Variants in TBC1D14 observed in about 807,000 individuals in gnomAD.
TBC1D14 encodes TBC1 domain family member 14, also known as TBC1 domain family, member 14.
A neutral mutation model predicts 79.0 loss-of-function variants in TBC1D14; 26 were observed. That is an observed-to-expected ratio of 0.33 (90% CI 0.24 to 0.46). The LOEUF is 0.46. Ranked by LOEUF, TBC1D14 falls within the 20% of genes least tolerant of loss-of-function variation. The probability of loss-of-function intolerance (pLI) is 1.00; values close to 1 mark genes in which losing one functional copy is unlikely to be tolerated. For missense variants in TBC1D14, 769 were observed against 887.6 expected, an observed-to-expected ratio of 0.87 and a Z score of 1.70; for synonymous variants, 394 against 349.9, an observed-to-expected ratio of 1.13 and a Z score of -1.40.
At chr4:7,025,296 C>T (rs751712730) in intron 13 of TBC1D14, 34 bp downstream of exon 13, 27 of 1,611,634 alleles carry the variant, frequency 1.7e-5, no homozygotes, top group East Asian at 1.6e-4. Flanking sequence ...CTTCCCACAG[C>T]GTAGCCGGCA....
At chr4:6,929,928 C>G (rs1711575034) in intron 2 of TBC1D14, among the ~76,000 whole-genome samples, 1 of 152,216 alleles carries the variant, frequency 6.6e-6, no homozygotes, top group African/African-American at 2.4e-5. Context: ...GCACAGACTG[C>G]AGAGCTGCGA....
chr4:6,936,870 C>T (rs985932294), intron 2 of TBC1D14, among the ~76,000 whole-genome samples: 5 of 150,722 alleles, frequency 3.3e-5, no homozygotes, highest in Non-Finnish European at 7.4e-5. Flanking sequence ...AGCAGGGTCT[C>T]GAGGATGGGT....
chr4:7,027,216 A>G (rs1722466441), intron 13 of TBC1D14, among the ~76,000 whole-genome samples: 1 of 151,938 alleles, frequency 6.6e-6, no homozygotes. Context: ...ATCTCAAAAA[A>G]ACCCCAAAAA....
intron 2 of TBC1D14, among the ~76,000 whole-genome samples, chr4:6,958,474 T>C (rs997205880): frequency 2.0e-5 from 3 of 152,194 alleles, no homozygotes; most frequent in African/African-American, 7.2e-5. Flanking sequence ...TCACCCAGGC[T>C]GGCTGGAGTG....
intron 2 of TBC1D14, among the ~76,000 whole-genome samples, chr4:6,940,394 G>A (rs1177206599): frequency 6.6e-6 from 1 of 152,244 alleles, no homozygotes; most frequent in Non-Finnish European, 1.5e-5. Context: ...ATAATGGAAT[G>A]TGTGTAGCCC....
chr4:7,006,519 G>A (rs1031245106), intron 8 of TBC1D14, 113 bp from the exon 9 acceptor site: 2 of 768,844 alleles, frequency 2.6e-6, no homozygotes, highest in African/African-American at 3.5e-5. Context: ...TTAGGTCAGT[G>A]TGCTTCTGAA....
rs148550060 is a variant in TBC1D14, at chr4:6,923,815, C to T, written c.426C>T (p.Ser142=). The change falls in exon 2 of 14, where the codon AGC becomes AGT. Residue 142 remains serine, a synonymous_variant. Coordinates refer to ENST00000409757, the MANE Select transcript of TBC1D14 (RefSeq NM_020773.3). The part of the protein sequence containing the change: ...RTGYDSVKLY[S]PTSKALTRSD... ...GCTATGACTCGGTAAAGCTCTATAG[C>T]CCGACCTCCAAAGCCCTGACCCGCA... 4.0e-5 allele frequency: 64 copies of T among 1,614,076 alleles called. No homozygotes were observed. The highest frequency in any genetic ancestry group is 1.3e-5 in the African/African-American group (1 of 74,938).
intron 11 of TBC1D14, 85 bp downstream of exon 11, chr4:7,010,866 A>C: frequency 6.8e-7 from 1 of 1,467,852 alleles, no homozygotes; most frequent in Non-Finnish European, 9.3e-7. Context: ...CGGTGGAAAA[A>C]AAGAATACAT....
chr4:6,968,724 C>G (rs1715941586), intron 3 of TBC1D14, among the ~76,000 whole-genome samples: 1 of 68,038 alleles, frequency 1.5e-5, no homozygotes, highest in Non-Finnish European at 3.9e-5. Context: ...GGAGGCTGGC[C>G]ATGGGGCCTG....
chr4:6,987,032 T>TC, intron 3 of TBC1D14: 1 of 294,756 alleles, frequency 3.4e-6, no homozygotes, highest in Non-Finnish European at 5.3e-6. Context: ...TCGGCGCGCG[T>TC]CCCCGGTGTT....
intron 2 of TBC1D14, among the ~76,000 whole-genome samples, chr4:6,963,775 T>A (rs1715458734): frequency 6.6e-6 from 1 of 152,208 alleles, no homozygotes; most frequent in Non-Finnish European, 1.5e-5. Flanking sequence ...GAGCCTAAGC[T>A]CTTATGTTAA....
intron 13 of TBC1D14, among the ~76,000 whole-genome samples, chr4:7,030,117 C>T (rs1361535850): frequency 1.3e-5 from 2 of 152,190 alleles, no homozygotes; most frequent in African/African-American, 4.8e-5. Context: ...AGGAGTGCAG[C>T]TAGCTCACCA....
Position 6,924,049 on chromosome 4 carries a change from T to G in TBC1D14, c.660T>G (p.Val220=). The G allele has an allele frequency of 3.1e-6, 5 of 1,614,068 alleles. No individual in the cohort carries two copies. The highest frequency in any genetic ancestry group is 4.2e-6 in the Non-Finnish European group (5 of 1,180,026). ...GTGGCTTACACCAGCAGGACTGTGT[T>G]CATGAAGCTGAGGAGGGGAGTAAAT... is the stretch of plus-strand genomic sequence containing the variant. ...ETRGLHQQDC[V]HEAEEGSKLK... Residue 220 remains valine (V), a synonymous_variant, in exon 2 of 14, where the codon GTT becomes GTG. Transcript: ENST00000409757.
Position 6,923,855 on chromosome 4 carries a change from G to C in TBC1D14, c.466G>C (p.Val156Leu). 1 of 1,614,162 alleles carries C rather than the reference G, an allele frequency of 6.2e-7. No individual in the cohort carries two copies. Among genetic ancestry groups the C allele is most frequent in the South Asian group, 1.1e-5 (1 of 91,084 alleles). ...KALTRSDDVS[V>L]CSVSSLGTEL... ...CCTGACCCGCAGCGATGATGTCTCC[G>C]TCTGCAGCGTGTCCAGTCTTGGGAC... Residue 156 changes from valine (V) to leucine (L), a missense_variant, in exon 2 of 14, where the codon GTC (valine) becomes CTC (leucine). Transcript: ENST00000409757.
chr4:7,014,315 T>G, intron 11 of TBC1D14, 133 bp from the exon 12 acceptor site: 1 of 605,734 alleles, frequency 1.7e-6, no homozygotes, highest in Non-Finnish European at 2.9e-6. Context: ...TACAATAAGT[T>G]GCCATTCAAA....
chr4:7,001,031 C>T, intron 6 of TBC1D14, 114 bp from the exon 7 acceptor site: 2 of 773,672 alleles, frequency 2.6e-6, no homozygotes, highest in East Asian at 5.3e-5. Flanking sequence ...AGGGCAGGGG[C>T]TGTGCCTGAT....
chr4:6,974,238 A>G (rs1022948308), intron 3 of TBC1D14, among the ~76,000 whole-genome samples: 4 of 152,168 alleles, frequency 2.6e-5, no homozygotes, highest in Non-Finnish European at 1.5e-5. Context: ...CTCCCAGAAA[A>G]GGGGAGCTGA....
At chr4:6,950,116 G>A (rs1430760732) in intron 2 of TBC1D14, among the ~76,000 whole-genome samples, 1 of 152,136 alleles carries the variant, frequency 6.6e-6, no homozygotes, top group Non-Finnish European at 1.5e-5. Context: ...CTGTGTCCAT[G>A]CGTACTCATT....
At chr4:6,921,328 C>G (rs776072912) in intron 1 of TBC1D14, among the ~76,000 whole-genome samples, 2 of 151,892 alleles carry the variant, frequency 1.3e-5, no homozygotes, top group African/African-American at 2.4e-5. Flanking sequence ...CCCACCTCAG[C>G]CTTTCAAGTA....
Sources: allele counts gnomAD v4.1 joint callset (sites outside exome capture counted in the v4.1 genomes callset), GRCh38; gene constraint gnomAD v4.1.1; transcripts MANE v1.5; gene names NCBI Gene and HGNC (gene_info 2026-07-23, HGNC 2026-07-21).